The following DNAH3 variants were observed in gnomAD, a reference collection of about 807,000 sequenced individuals.
DNAH3 encodes dynein axonemal heavy chain 3, also known as axonemal beta dynein heavy chain 3.
A neutral mutation model predicts 432.5 loss-of-function variants in DNAH3; 332 were observed. That is an observed-to-expected ratio of 0.77 (90% CI 0.70 to 0.84). The LOEUF (loss-of-function observed/expected upper bound fraction) is 0.84. Ranked by LOEUF, DNAH3 falls within the 40% of genes least tolerant of loss-of-function variation. DNAH3 has a pLI of 0.00. For synonymous variants in DNAH3, 1,956 were observed against 1,900.2 expected (o/e 1.03, Z -0.76); for missense variants, 4,861 against 5,114.0 (o/e 0.95, Z 1.51).
At chr16:21,133,802 C>T (rs969470489) in intron 7 of DNAH3, among the ~76,000 whole-genome samples, 4 of 152,146 alleles carry the variant, frequency 2.6e-5, no homozygotes, top group African/African-American at 7.2e-5. Context: ...ATTACTGGTG[C>T]TTAAGTTATA....
intron 11 of DNAH3, chr16:21,120,612 A>G (rs1010928636): frequency 9.7e-6 from 7 of 721,260 alleles, no homozygotes; most frequent in Admixed American, 8.3e-5. Context: ...TGGGGAACTC[A>G]GTCTACGTTG....
At chr16:20,972,686 C>G (rs190724265) in intron 51 of DNAH3, among the ~76,000 whole-genome samples, 1 of 151,190 alleles carries the variant, frequency 6.6e-6, no homozygotes, top group Admixed American at 6.6e-5. Context: ...TCTCAGGACT[C>G]AGTGGAGAAA....
At chr16:21,095,614 T>C (rs2091653707) in intron 18 of DNAH3, among the ~76,000 whole-genome samples, 1 of 152,176 alleles carries the variant, frequency 6.6e-6, no homozygotes, top group South Asian at 2.1e-4. Context: ...GTTTTCTGAT[T>C]GTAGTGATGT....
intron 56 of DNAH3, among the ~76,000 whole-genome samples, chr16:20,949,777 G>C (rs1035241700): frequency 1.3e-5 from 2 of 152,300 alleles, no homozygotes; most frequent in South Asian, 4.1e-4. Flanking sequence ...CTTGAGGTTT[G>C]AGGATTGTTT....
intron 54 of DNAH3, among the ~76,000 whole-genome samples, chr16:20,956,197 G>C (rs775940747): frequency 6.6e-6 from 1 of 152,172 alleles, no homozygotes; most frequent in Non-Finnish European, 1.5e-5. Context: ...CAAAGTGCTA[G>C]GATTTACAGG....
At chr16:21,049,484 G>T in intron 31 of DNAH3, 85 bp downstream of exon 31, 1 of 1,024,918 alleles carries the variant, frequency 9.8e-7, no homozygotes. Flanking sequence ...AGAGATATAA[G>T]GCCCTGTTAT....
chr16:21,119,487 G>A (rs1178982700), intron 11 of DNAH3, among the ~76,000 whole-genome samples: 13 of 152,008 alleles, frequency 8.6e-5, no homozygotes, highest in Admixed American at 2.0e-4. Context: ...AAAATAAGCC[G>A]GGCATGGTGG....
At chr16:20,989,372 C>T (rs1010727582) in intron 44 of DNAH3, among the ~76,000 whole-genome samples, 2 of 151,776 alleles carry the variant, frequency 1.3e-5, no homozygotes, top group Non-Finnish European at 2.9e-5. Flanking sequence ...GAGCTAAACA[C>T]AGGGTGCTGA....
At chr16:20,969,360 CTT>C (rs2085224292) in intron 52 of DNAH3, among the ~76,000 whole-genome samples, 1 of 152,024 alleles carries the variant, frequency 6.6e-6, no homozygotes, top group Admixed American at 6.6e-5. Context: ...TTTTCAGACT[CTT>C]TCTCTCTGTT....
chr16:20,985,125 C>T (rs753979702), exon 48 of DNAH3: 3 of 1,614,212 alleles, frequency 1.9e-6, no homozygotes, highest in Non-Finnish European at 2.5e-6. Flanking sequence ...CTTCAACCTT[C>T]TCTCCTTGGG....
At chr16:21,040,975 T>C (rs901743646) in intron 32 of DNAH3, among the ~76,000 whole-genome samples, 1 of 152,164 alleles carries the variant, frequency 6.6e-6, no homozygotes, top group African/African-American at 2.4e-5. Context: ...GCCTGGGTGC[T>C]TTCTACTATC....
In DNAH3 at chr16:20,965,265, G is replaced by T. The variant is rs749697422; in HGVS notation, c.8619C>A (p.Val2873=). ...CGCAGGCCGACGATACATTTTTAAT[G>T]ACAGCTGGCTGGAATTCCGGGTGAT... Residue 2873 remains valine (V), a synonymous_variant, in exon 53 of 62, where the codon GTC becomes GTA. Transcript: ENST00000261383. 2.5e-6 allele frequency: 4 copies of T among 1,613,658 alleles called. No individual in the cohort carries two copies. The Admixed American group carries it at 6.7e-5, about 27-fold the overall frequency.
chr16:20,997,056 G>T (rs1295420859), intron 44 of DNAH3: 32 of 481,708 alleles, frequency 6.6e-5, no homozygotes, highest in Non-Finnish European at 5.6e-5. Flanking sequence ...GAGACTCTCT[G>T]TTTCTCTAGG....
rs57414215 is a variant in DNAH3 at position 21,028,653 on chromosome 16, C to CAA, written c.5440-1528_5440-1527dup. 7.4e-3 allele frequency among the ~76,000 whole-genome samples: 949 copies of CAA among 127,620 alleles called. 9 individuals carry two copies. Among genetic ancestry groups the CAA allele is most frequent in the African/African-American group, 0.026 (851 of 33,216 alleles). 83.7% of individuals were successfully genotyped at this position (127,620 alleles called of 152,430 possible). A position where few individuals can be genotyped will look rare whatever the true frequency, so the allele number is the denominator to read the frequency against. The stretch of plus-strand genomic sequence containing the variant: ...TGGACAACAGAGGGAGACTTTGTCT[C>CAA]AAAAAAAAAAAAAAGAAAGAAAAAT... On this transcript the variant is annotated intron_variant, in intron 37 of 61. Coordinates refer to ENST00000261383, the Ensembl canonical transcript of DNAH3.
exon 25 of DNAH3, chr16:21,062,577 G>A: frequency 6.2e-7 from 1 of 1,614,172 alleles, no homozygotes; most frequent in Non-Finnish European, 8.5e-7. Flanking sequence ...GTAAACTCAA[G>A]CTTGGCAATT....
chr16:21,093,824 T>C (rs544282865), intron 18 of DNAH3, among the ~76,000 whole-genome samples: 81 of 146,690 alleles, frequency 5.5e-4, no homozygotes, highest in Non-Finnish European at 9.6e-4. Flanking sequence ...GGATAAAAAT[T>C]TTTTTTTCCC....
chr16:20,964,555 T>C lies in DNAH3; in HGVS notation c.9329A>G (p.Asn3110Ser), dbSNP rs144845767. 1,546 of 1,614,224 alleles carry C rather than the reference T, an allele frequency of 9.6e-4. 15 individuals are homozygous for C. In the African/African-American group the frequency reaches 0.017, roughly 18 times the overall value. The change falls in exon 53 of 62, where the codon AAC (asparagine) becomes AGC (serine). Residue 3110 changes from asparagine (N) to serine (S), a missense_variant. Physicochemically the swap from Asn to Ser is conservative, Grantham distance 46. Coordinates refer to ENST00000261383, the Ensembl canonical transcript of DNAH3. ...CGCGTTTTCCAGCATCCTCATGTAGTTGCTATCAGAGAACTTGATGACAGC... is the reference window on the plus strand; with the variant it reads ...CGCGTTTTCCAGCATCCTCATGTAGCTGCTATCAGAGAACTTGATGACAGC...
chr16:21,116,528 C>G (rs2152808003), intron 12 of DNAH3, among the ~76,000 whole-genome samples: 1 of 152,274 alleles, frequency 6.6e-6, no homozygotes, highest in African/African-American at 2.4e-5. Context: ...CACCCCAGAC[C>G]TGCAGAATTG....
At chr16:20,988,271 G>A (rs1043755652) in intron 44 of DNAH3, among the ~76,000 whole-genome samples, 5 of 152,092 alleles carry the variant, frequency 3.3e-5, no homozygotes, top group African/African-American at 4.8e-5. Flanking sequence ...CTCTTCCTTA[G>A]TCTCACCACA....
Sources: gnomAD v4.1 joint callset for allele counts (sites outside exome capture counted in the v4.1 genomes callset) on GRCh38, gnomAD v4.1.1 for gene constraint, MANE v1.5 for transcripts, NCBI Gene and HGNC (gene_info 2026-07-23, HGNC 2026-07-21) for gene names.